AKT3: variants seen among roughly 807,000 people sequenced by gnomAD.
The protein encoded by AKT3 is AKT serine/threonine kinase 3, also known as RAC-gamma serine/threonine-protein kinase.
AKT3 carries 15 observed loss-of-function variants against 65.3 expected under a neutral mutation model. The observed-to-expected ratio is 0.23, with a 90% CI of 0.15 to 0.35. AKT3 has a LOEUF of 0.35. Ranked by LOEUF, AKT3 falls within the 10% of genes least tolerant of loss-of-function variation. The pLI is 1.00. For missense variants in AKT3, 243 were observed against 576.5 expected, an observed-to-expected ratio of 0.42 and a Z score of 5.92; for synonymous variants, 206 against 183.8, an observed-to-expected ratio of 1.12 and a Z score of -0.98.
chr1:243,800,610 C>T (rs750639092), intron 2 of AKT3, among the ~76,000 whole-genome samples: 3 of 151,920 alleles, frequency 2.0e-5, no homozygotes, highest in South Asian at 2.1e-4. Flanking sequence ...CCCAGCTACT[C>T]GGGAGGCTGA....
At chr1:243,635,748 T>C (rs1469026129) in intron 6 of AKT3, among the ~76,000 whole-genome samples, 2 of 152,000 alleles carry the variant, frequency 1.3e-5, no homozygotes, top group East Asian at 1.9e-4. Flanking sequence ...GACACCACTG[T>C]AGTCAAGCAA....
chr1:243,819,942 G>A (rs1693756089), intron 2 of AKT3, among the ~76,000 whole-genome samples: 1 of 147,094 alleles, frequency 6.8e-6, no homozygotes, highest in South Asian at 2.2e-4. Context: ...GTTTTGAGAT[G>A]GGGTCTTGCT....
rs118086219 is a variant in AKT3, at chr1:243,757,492, C to T, written c.47-61776G>A. Among the ~76,000 whole-genome samples the T allele has an allele frequency of 2.2e-3, 335 of 152,162 alleles. 9 individuals are homozygous for T. In the South Asian group the frequency reaches 0.044, roughly 20 times the overall value. On this transcript the variant is annotated intron_variant, in intron 2 of 13. Coordinates refer to ENST00000673466, the MANE Select transcript of AKT3 (RefSeq NM_005465.7). ...AATTAGCTGGGCGTGGTATCAGGTG[C>T]CTGTAATCCCTGCTACTCAGGAGGC...
Position 243,810,034 on chromosome 1 carries a change from C to T in AKT3, c.46+33091G>A, listed in dbSNP as rs377044766. 1.1e-3 allele frequency among the ~76,000 whole-genome samples: 170 copies of T among 152,106 alleles called. 1 individual carries two copies. The highest frequency in any genetic ancestry group is 3.4e-3 in the African/African-American group (140 of 41,510). On this transcript the variant is annotated intron_variant, in intron 2 of 13. Transcript: ENST00000673466. ...AATCTCTGGGACACATTCAAAGCAG[C>T]GTGTAGAGGGAAATTTATAGCACTA... is the stretch of plus-strand genomic sequence containing the variant.
At chr1:243,567,538 A>T (rs1200371672) in intron 9 of AKT3, among the ~76,000 whole-genome samples, 1 of 134,042 alleles carries the variant, frequency 7.5e-6, no homozygotes, top group Non-Finnish European at 1.5e-5. Flanking sequence ...CATGTTGCCC[A>T]GGCTGGTCCC....
intron 2 of AKT3, among the ~76,000 whole-genome samples, chr1:243,740,415 A>C (rs945935605): frequency 6.6e-6 from 1 of 152,122 alleles, no homozygotes; most frequent in Non-Finnish European, 1.5e-5. Context: ...GGAGTATTTT[A>C]ATCTGGTGAA....
At chr1:243,668,549 T>A (rs1682957143) in intron 3 of AKT3, among the ~76,000 whole-genome samples, 1 of 152,078 alleles carries the variant, frequency 6.6e-6, no homozygotes, top group Non-Finnish European at 1.5e-5. Flanking sequence ...AAAATCAAAG[T>A]ACAAATAGGC....
intron 6 of AKT3, among the ~76,000 whole-genome samples, chr1:243,627,077 A>G (rs1400134580): frequency 6.6e-6 from 1 of 152,238 alleles, no homozygotes; most frequent in East Asian, 1.9e-4. Flanking sequence ...GTCGTGCATG[A>G]AAAAGGTGAA....
At chr1:243,495,460 T>A (rs1667583282), downstream of AKT3, among the ~76,000 whole-genome samples, 1 of 152,186 alleles carries the variant, frequency 6.6e-6, no homozygotes, top group Non-Finnish European at 1.5e-5. Context: ...GAGGCTGTTA[T>A]CAGGGGCCCA....
At chr1:243,618,632 A>G (rs902715978) in intron 6 of AKT3, among the ~76,000 whole-genome samples, 2 of 152,168 alleles carry the variant, frequency 1.3e-5, no homozygotes, top group Admixed American at 1.3e-4. Context: ...AAATTTACAT[A>G]TATTTATCCA....
chr1:243,701,590 T>G (rs569918017), intron 2 of AKT3, among the ~76,000 whole-genome samples: 57 of 151,208 alleles, frequency 3.8e-4, no homozygotes, highest in African/African-American at 1.4e-3. Flanking sequence ...TGAAATTCAT[T>G]TAGTTCATTT....
intron 12 of AKT3, among the ~76,000 whole-genome samples, chr1:243,528,008 A>G (rs983389845): frequency 1.4e-4 from 21 of 151,966 alleles, no homozygotes; most frequent in African/African-American, 4.6e-4. Flanking sequence ...CCTAAATACC[A>G]TAACTTTCTG....
At chr1:243,631,466 T>G (rs1679607612) in intron 6 of AKT3, among the ~76,000 whole-genome samples, 1 of 152,172 alleles carries the variant, frequency 6.6e-6, no homozygotes, top group Admixed American at 6.5e-5. Flanking sequence ...TTTTTGTATT[T>G]TTAGTAGAGA....
intron 8 of AKT3, among the ~76,000 whole-genome samples, chr1:243,591,032 G>A (rs1676190558): frequency 6.6e-6 from 1 of 152,200 alleles, no homozygotes; most frequent in South Asian, 2.1e-4. Flanking sequence ...GAGGATCCTT[G>A]ATTTAATGAT....
chr1:243,606,192 T>G (rs1481061153), intron 8 of AKT3, among the ~76,000 whole-genome samples: 2 of 149,990 alleles, frequency 1.3e-5, no homozygotes, highest in African/African-American at 2.5e-5. Flanking sequence ...CCACAGAGAG[T>G]GTGGTGCTGC....
At chr1:243,531,079 C>T (rs777653055) in intron 12 of AKT3, among the ~76,000 whole-genome samples, 1 of 152,102 alleles carries the variant, frequency 6.6e-6, no homozygotes, top group Non-Finnish European at 1.5e-5. Flanking sequence ...TTCTATCTAT[C>T]TATCTATCCA....
At chr1:243,674,563 A>G (rs866609469) in intron 3 of AKT3, among the ~76,000 whole-genome samples, 26 of 152,268 alleles carry the variant, frequency 1.7e-4, no homozygotes, top group Middle Eastern at 3.2e-3. Context: ...AGAGAATTCC[A>G]TAAGACAGAA....
chr1:243,498,255 C>T (rs753480164), downstream of AKT3, among the ~76,000 whole-genome samples: 73 of 152,318 alleles, frequency 4.8e-4, no homozygotes, highest in Admixed American at 2.5e-3. Context: ...TGGCAGTCTC[C>T]GTGCTGTCAG....
At chr1:243,544,619 A>AAAATAAATAAAT (rs1196627843) in intron 12 of AKT3, among the ~76,000 whole-genome samples, 1 of 152,164 alleles carries the variant, frequency 6.6e-6, no homozygotes, top group Non-Finnish European at 1.5e-5. Flanking sequence ...CTTGCCTCAA[A>AAAATAAATAAAT]AAATAAATAA....
Sources: allele counts gnomAD v4.1 joint callset (sites outside exome capture counted in the v4.1 genomes callset), GRCh38; gene constraint gnomAD v4.1.1; transcripts MANE v1.5; gene names NCBI Gene and HGNC (gene_info 2026-07-23, HGNC 2026-07-21).